Variants in PITPNB observed in about 807,000 individuals in gnomAD.
PITPNB encodes the protein phosphatidylinositol transfer protein beta isoform.
Under a neutral mutation model 45.9 loss-of-function variants are expected in PITPNB, and 16 were observed. The ratio of observed to expected loss-of-function variants is 0.35; its 90% confidence interval spans 0.24 to 0.53. The LOEUF is 0.53. Ranked by LOEUF, PITPNB falls within the 20% of genes least tolerant of loss-of-function variation. The pLI, the probability that PITPNB is intolerant of heterozygous loss-of-function variation, is 0.93. For synonymous variants in PITPNB, 112 were observed against 108.9 expected (o/e 1.03, Z -0.18); for missense variants, 188 against 330.5 (o/e 0.57, Z 3.34).
intron 3 of PITPNB, among the ~76,000 whole-genome samples, chr22:27,904,098 T>C (rs571234407): frequency 1.0e-3 from 152 of 152,328 alleles, no homozygotes; most frequent in Non-Finnish European, 1.9e-3. Flanking sequence ...AGAGTGATCA[T>C]ATGACCCAGC....
chr22:27,916,810 A>T (rs921932288), intron 1 of PITPNB, among the ~76,000 whole-genome samples: 3 of 152,096 alleles, frequency 2.0e-5, no homozygotes, highest in African/African-American at 7.2e-5. Context: ...AAAAAAAAAC[A>T]TAAAAATAAA....
intron 3 of PITPNB, among the ~76,000 whole-genome samples, chr22:27,900,032 T>A (rs1486536220): frequency 6.6e-6 from 1 of 151,670 alleles, no homozygotes; most frequent in Non-Finnish European, 1.5e-5. Context: ...GCAAAACCCA[T>A]CTCTACTAAA....
chr22:27,907,392 G>A (rs1935795760), intron 3 of PITPNB, among the ~76,000 whole-genome samples: 1 of 152,166 alleles, frequency 6.6e-6, no homozygotes. Context: ...TGCTTTCAAT[G>A]TTGACACTGA....
At chr22:27,919,038 GAGGGAGGGGGCGCCCGC>G in intron 1 of PITPNB, 117 bp downstream of exon 1, 3 of 1,351,656 alleles carry the variant, frequency 2.2e-6, no homozygotes, top group South Asian at 2.3e-5. Context: ...GGGGCCGGGG[GAGGGAGGGGGCGCCCGC>G]AGGGAGGGGC....
chr22:27,910,917 TA>T, intron 3 of PITPNB, 46 bp downstream of exon 3: 1 of 1,492,724 alleles, frequency 6.7e-7, no homozygotes, highest in Non-Finnish European at 9.3e-7. Context: ...ACATGCATCA[TA>T]AGTAAGCCAG....
intron 2 of PITPNB, among the ~76,000 whole-genome samples, chr22:27,913,456 G>C (rs1172904053): frequency 6.6e-6 from 1 of 152,178 alleles, no homozygotes; most frequent in Non-Finnish European, 1.5e-5. Context: ...AGGGTTTTAT[G>C]GGTTTTGCTA....
intron 3 of PITPNB, 88 bp from the exon 4 acceptor site, chr22:27,897,980 C>T (rs868816089): frequency 2.3e-6 from 2 of 861,650 alleles, no homozygotes; most frequent in Middle Eastern, 2.2e-4. Flanking sequence ...GTATGGCAAT[C>T]AAAGGTGACC....
In PITPNB at chr22:27,853,597, C is replaced by T. The variant is rs1934088387; in HGVS notation, c.*105G>A. On this transcript the variant is annotated 3_prime_UTR_variant, in exon 12 of 12. Coordinates refer to ENST00000335272, the MANE Select transcript of PITPNB (RefSeq NM_012399.5). ...TGGGAAACGTCAACACTGCAAGATA[C>T]TGGTCAGATTCTTCTTCACTCATCA... The T allele has an allele frequency of 7.1e-6, 11 of 1,547,376 alleles. No homozygotes were observed. The East Asian group carries it at 1.5e-4, about 21-fold the overall frequency.
intron 3 of PITPNB, among the ~76,000 whole-genome samples, chr22:27,903,392 C>T (rs146453746): frequency 3.6e-3 from 548 of 150,988 alleles, no homozygotes; most frequent in Admixed American, 8.6e-3. Context: ...GCTCTTGAAC[C>T]CGGAAGGCGG....
chr22:27,885,083 G>T (rs1486484817), intron 7 of PITPNB, among the ~76,000 whole-genome samples: 1 of 149,322 alleles, frequency 6.7e-6, no homozygotes, highest in Non-Finnish European at 1.5e-5. Context: ...TGTTAATCGT[G>T]TGTATACTTC....
intron 7 of PITPNB, among the ~76,000 whole-genome samples, chr22:27,889,286 G>A (rs1935207327): frequency 6.6e-6 from 1 of 152,106 alleles, no homozygotes; most frequent in Non-Finnish European, 1.5e-5. Context: ...TTCAATGTCA[G>A]ATGGTACACC....
intron 8 of PITPNB, among the ~76,000 whole-genome samples, chr22:27,866,709 T>C (rs77050225): frequency 0.017 from 2,572 of 152,294 alleles, 38 homozygotes; most frequent in African/African-American, 0.038. Flanking sequence ...GAGTTAACGC[T>C]TTGCAAAGAC....
rs1387476963 is a variant in PITPNB, at chr22:27,897,404, C to T, written c.290-267G>A. Among the ~76,000 whole-genome samples, 6 of 152,198 alleles carry T rather than the reference C, an allele frequency of 3.9e-5. No individual in the cohort carries two copies. The South Asian group carries it at 6.2e-4, about 16-fold the overall frequency. ...GAATAATAATGTCACAAAAGCAAAA[C>T]ATTATTTATAAGGTCAATTTAGCAA... On this transcript the variant is annotated intron_variant, in intron 4 of 11. Coordinates refer to ENST00000335272, the MANE Select transcript of PITPNB (RefSeq NM_012399.5).
In PITPNB at chr22:27,910,873, T is replaced by C. The variant is rs1039930238; in HGVS notation, c.197+91A>G. ...TATATTATCAAACTGAAATTAAAAA[T>C]GTACTTCACATCTACTAGTTAAGTT... On this transcript the variant is annotated intron_variant, in intron 3 of 11. Coordinates refer to ENST00000335272, the MANE Select transcript of PITPNB (RefSeq NM_012399.5). 8 of 831,386 alleles carry C rather than the reference T, an allele frequency of 9.6e-6. No homozygotes were observed. In the Middle Eastern group the frequency reaches 6.9e-4, roughly 72 times the overall value. The allele number at this position is 831,386 out of a possible 1,614,324, so 51.5% of individuals were successfully genotyped here. A position where few individuals can be genotyped will look rare whatever the true frequency, so the allele number is the denominator to read the frequency against.
chr22:27,867,246 T>C (rs1216693444), intron 8 of PITPNB, among the ~76,000 whole-genome samples: 1 of 150,534 alleles, frequency 6.6e-6, no homozygotes, highest in African/African-American at 2.5e-5. Flanking sequence ...CAACAGGAGA[T>C]GGAGGAGGTG....
intron 7 of PITPNB, among the ~76,000 whole-genome samples, chr22:27,874,316 G>A (rs1417510572): frequency 6.6e-6 from 1 of 152,136 alleles, no homozygotes; most frequent in Non-Finnish European, 1.5e-5. Flanking sequence ...GGTCTGTGGT[G>A]GACATCTCAG....
At chr22:27,906,153 T>C (rs1474013909) in intron 3 of PITPNB, among the ~76,000 whole-genome samples, 2 of 152,014 alleles carry the variant, frequency 1.3e-5, no homozygotes, top group Non-Finnish European at 2.9e-5. Flanking sequence ...AGTTCTGAGG[T>C]GTACTCAGAA....
intron 8 of PITPNB, 47 bp from the exon 9 acceptor site, chr22:27,860,288 T>C: frequency 1.7e-6 from 2 of 1,162,928 alleles, no homozygotes; most frequent in Middle Eastern, 2.0e-4. Context: ...TAAATATTTA[T>C]GTTTTCATTA....
chr22:27,875,024 A>G (rs1934780600), intron 7 of PITPNB, among the ~76,000 whole-genome samples: 1 of 152,252 alleles, frequency 6.6e-6, no homozygotes, highest in Non-Finnish European at 1.5e-5. Flanking sequence ...GTTGAGAAGC[A>G]GCCACTCAAA....
Sources: gnomAD v4.1 joint callset for allele counts (sites outside exome capture counted in the v4.1 genomes callset) on GRCh38, gnomAD v4.1.1 for gene constraint, MANE v1.5 for transcripts, NCBI Gene and HGNC (gene_info 2026-07-23, HGNC 2026-07-21) for gene names.